Variants in VSIR observed in about 807,000 individuals in gnomAD.
VSIR encodes the protein V-type immunoglobulin domain-containing suppressor of T-cell activation.
Under a neutral mutation model 31.0 loss-of-function variants are expected in VSIR, and 10 were observed. The observed-to-expected ratio is 0.32, with a 90% CI of 0.20 to 0.55. The LOEUF (loss-of-function observed/expected upper bound fraction) is 0.55. Ranked by LOEUF, VSIR falls within the 20% of genes least tolerant of loss-of-function variation. VSIR has a pLI of 0.93. For missense variants in VSIR, 356 were observed against 416.2 expected (o/e 0.86, Z 1.26); for synonymous variants, 179 against 180.1 (o/e 0.99, Z 0.05).
At chr10:71,755,181 T>A in intron 4 of VSIR, 178 bp downstream of exon 4, 1 of 708,348 alleles carries the variant, frequency 1.4e-6, no homozygotes, top group African/African-American at 1.8e-5. Flanking sequence ...GGAAATGGCA[T>A]GCCTCCTTTC....
In VSIR at chr10:71,760,289, G is replaced by A. The variant is rs546892369; in HGVS notation, c.568+579C>T. 6.6e-3 allele frequency among the ~76,000 whole-genome samples: 680 copies of A among 103,426 alleles called. 94 individuals carry two copies. The highest frequency in any genetic ancestry group is 0.021 in the African/African-American group (661 of 31,748). The allele number at this position is 103,426 out of a possible 152,430, so 67.9% of individuals were successfully genotyped here. On this transcript the variant is annotated intron_variant, in intron 3 of 6. Transcript: ENST00000394957. ...TATACATATATATGTATGTATATAT[G>A]TGTATATATATGTATATACACACAC...
At position 71,749,194 on chromosome 10, in the gene VSIR, A is replaced by G. The variant is rs1564773309; in HGVS notation, c.*2059T>C. 6.6e-6 allele frequency: 1 copy of G among 152,296 alleles called. No individual in the cohort carries two copies. The highest frequency in any genetic ancestry group is 1.5e-5 in the Non-Finnish European group (1 of 68,070). The allele number at this position is 152,296 out of a possible 1,614,324, so 9.4% of individuals were successfully genotyped here. On this transcript the variant is annotated 3_prime_UTR_variant, in exon 7 of 7. Coordinates refer to ENST00000394957, the MANE Select transcript of VSIR (RefSeq NM_022153.2). Reference sequence around the variant, plus strand: ...CTCTTCCTGAGTTGGGAGAACCGGAATCTGGGCTGTGGGCTTGTCCTTCGA... The same window carrying G: ...CTCTTCCTGAGTTGGGAGAACCGGAGTCTGGGCTGTGGGCTTGTCCTTCGA...
At position 71,773,479 on chromosome 10, in the gene VSIR, A is replaced by AGCGGGCGGGACGCGGCCGGC; in HGVS notation, c.-60_-41dup. ...CGCAGAGGAACTTCTGGTGCCGGGGAGCGGGCGGGACGCGGCCGGCGCGGG... is the reference window on the plus strand; with the variant it reads ...CGCAGAGGAACTTCTGGTGCCGGGGAGCGGGCGGGACGCGGCCGGCGCGGGCGGGACGCGGCCGGCGCGGG... On this transcript the variant is annotated 5_prime_UTR_variant, in exon 1 of 7. Transcript: ENST00000394957. 2 of 1,554,246 alleles carry AGCGGGCGGGACGCGGCCGGC rather than the reference A, an allele frequency of 1.3e-6. No homozygotes were observed. The highest frequency in any genetic ancestry group is 1.7e-6 in the Non-Finnish European group (2 of 1,146,090).
In VSIR at chr10:71,759,835, A is replaced by ACACACACGCACACG. The variant is rs1279390301; in HGVS notation, c.568+1032_568+1033insCGTGTGCGTGTGTG. On this transcript the variant is annotated intron_variant, in intron 3 of 6. Transcript: ENST00000394957. Reference sequence around the variant, plus strand: ...TCAGAAAATATACACACACACACACACACACACACACATATACACACACAC... The same window carrying ACACACACGCACACG: ...TCAGAAAATATACACACACACACACACACACACGCACACGCACACACACACATATACACACACAC... Among the ~76,000 whole-genome samples, 5 of 71,566 alleles carry ACACACACGCACACG rather than the reference A, an allele frequency of 7.0e-5. 2 individuals are homozygous for ACACACACGCACACG. The highest frequency in any genetic ancestry group is 2.0e-4 in the African/African-American group (5 of 25,630). The allele number at this position is 71,566 out of a possible 152,430, so 47.0% of individuals were successfully genotyped here.
Position 71,751,119 on chromosome 10 carries a change from G to A in VSIR, c.*134C>T. 2.8e-6 allele frequency: 3 copies of A among 1,065,076 alleles called. No individual in the cohort carries two copies. Among genetic ancestry groups the A allele is most frequent in the Non-Finnish European group, 4.0e-6 (3 of 744,184 alleles). The allele number at this position is 1,065,076 out of a possible 1,614,324, so 66.0% of individuals were successfully genotyped here. On this transcript the variant is annotated 3_prime_UTR_variant, in exon 7 of 7. Transcript: ENST00000394957. This position sits in a 1 kb window ranked among gnomAD's most constrained non-coding sequence, Gnocchi z 4.9. ...GGTTGAGGGGCTGGGCTTCTGGGAT[G>A]TCACAGTATCTGAGCCCAGAGCAGG...
At chr10:71,753,309 A>G (rs1296931747) in intron 4 of VSIR, among the ~76,000 whole-genome samples, 1 of 152,236 alleles carries the variant, frequency 6.6e-6, no homozygotes, top group Non-Finnish European at 1.5e-5. Flanking sequence ...GCTTTCTCCT[A>G]TGGCTTGACT....
chr10:71,751,984 G>T lies in VSIR; in HGVS notation c.705-123C>A. 9.3e-7 allele frequency: 1 copy of T among 1,071,154 alleles called. No homozygotes were observed. The highest frequency in any genetic ancestry group is 1.4e-6 in the Non-Finnish European group (1 of 724,712). The allele number at this position is 1,071,154 out of a possible 1,614,324, so 66.4% of individuals were successfully genotyped here. On this transcript the variant is annotated intron_variant, in intron 5 of 6. Coordinates refer to ENST00000394957, the MANE Select transcript of VSIR (RefSeq NM_022153.2). The surrounding 1 kb of genome is among the most constrained non-coding windows in gnomAD (Gnocchi z 4.9). ...ACATCCCCATCCCCAAGCCTCAGCA[G>T]CATCTCCAAGCAAGAAGGCAGGAGC...
chr10:71,760,869 T>C lies in VSIR; in HGVS notation c.567A>G (p.Glu189=). The C allele has an allele frequency of 6.2e-7, 1 of 1,613,446 alleles. No homozygotes were observed. Among genetic ancestry groups the C allele is most frequent in the Non-Finnish European group, 8.5e-7 (1 of 1,179,432 alleles). The change falls in exon 3 of 7, where the codon GAA becomes GAG. Residue 189 remains glutamate (E), a splice_region_variant and synonymous_variant. Transcript: ENST00000394957. ...VVYPSSSQDS[E]NITAAALATG... Reference sequence around the variant, plus strand: ...AGGGGCAAGAGGTTGGTCCCTTACTTTCACTATCCTGGGAGGAGGATGGGT... The same window carrying C: ...AGGGGCAAGAGGTTGGTCCCTTACTCTCACTATCCTGGGAGGAGGATGGGT...
rs777776745 is a variant in VSIR, at chr10:71,761,841, G to A, written c.268C>T (p.Arg90Cys). ...TGAAGGTCCTGGAACGTGAGGTTGC[G>A]GATGGGCCGGCGCTCTGAGCAGGTC... Reference protein sequence around the residue: ...VQTCSERRPIRNLTFQDLHLH... With the variant: ...VQTCSERRPICNLTFQDLHLH... The change falls in exon 2 of 7, where the codon CGC (arginine) becomes TGC (cysteine). Residue 90 changes from arginine to cysteine, a missense_variant. This residue lies in a region of VSIR where 166 missense variants were observed against 231.0 expected (regional missense o/e 0.72). Transcript: ENST00000394957. 6.2e-6 allele frequency: 10 copies of A among 1,613,976 alleles called. No homozygotes were observed. Among genetic ancestry groups the A allele is most frequent in the East Asian group, 4.5e-5 (2 of 44,898 alleles).
Position 71,751,016 on chromosome 10 carries a change from C to T in VSIR, c.*237G>A. 2.0e-6 allele frequency: 1 copy of T among 507,048 alleles called. No homozygotes were observed. Among genetic ancestry groups the T allele is most frequent in the Non-Finnish European group, 3.5e-6 (1 of 282,744 alleles). 31.4% of individuals were successfully genotyped at this position (507,048 alleles called of 1,614,324 possible). A position where few individuals can be genotyped will look rare whatever the true frequency, so the allele number is the denominator to read the frequency against. On this transcript the variant is annotated 3_prime_UTR_variant, in exon 7 of 7. Coordinates refer to ENST00000394957, the MANE Select transcript of VSIR (RefSeq NM_022153.2). This position sits in a 1 kb window ranked among gnomAD's most constrained non-coding sequence, Gnocchi z 4.9. ...TCTGTAGCTGGTGAATTTCAGGTCT[C>T]TAGGGGAGAATCTCAGCACCCCAAA... is the stretch of plus-strand genomic sequence containing the variant.
intron 3 of VSIR, among the ~76,000 whole-genome samples, chr10:71,759,767 G>A (rs1347147427): frequency 2.7e-5 from 4 of 150,722 alleles, no homozygotes; most frequent in Admixed American, 2.0e-4. Flanking sequence ...AGCCCAGATC[G>A]CGCCACTGCA....
intron 4 of VSIR, 131 bp downstream of exon 4, chr10:71,755,228 A>T: frequency 1.1e-6 from 1 of 882,750 alleles, no homozygotes; most frequent in Non-Finnish European, 1.8e-6. Context: ...CGGGAAGTGC[A>T]GCTGCTCCCA....
chr10:71,771,726 C>A (rs1476088887), intron 1 of VSIR, among the ~76,000 whole-genome samples: 2 of 152,216 alleles, frequency 1.3e-5, no homozygotes, highest in African/African-American at 4.8e-5. Flanking sequence ...GTTTGAGTAG[C>A]CAAGACCTCT....
Position 71,751,558 on chromosome 10 carries a change from G to T in VSIR, c.898+110C>A. ...TGTCCCTCACCCTCAACCCCACCCC[G>T]TGAGGCCGTGGAACTCTTCAGGGAG... On this transcript the variant is annotated intron_variant, in intron 6 of 6. Transcript: ENST00000394957. The surrounding 1 kb of genome is among the most constrained non-coding windows in gnomAD (Gnocchi z 4.9). 1 of 1,239,050 alleles carries T rather than the reference G, an allele frequency of 8.1e-7. No homozygotes were observed. The highest frequency in any genetic ancestry group is 1.1e-6 in the Non-Finnish European group (1 of 911,400). 76.8% of individuals were successfully genotyped at this position (1,239,050 alleles called of 1,614,324 possible).
chr10:71,751,385 T>C lies in VSIR; in HGVS notation c.899-95A>G. The C allele has an allele frequency of 1.7e-6, 1 of 591,698 alleles. No individual in the cohort carries two copies. Among genetic ancestry groups the C allele is most frequent in the Admixed American group, 3.7e-5 (1 of 27,312 alleles). 36.7% of individuals were successfully genotyped at this position (591,698 alleles called of 1,614,324 possible). A position where few individuals can be genotyped will look rare whatever the true frequency, so the allele number is the denominator to read the frequency against. On this transcript the variant is annotated intron_variant, in intron 6 of 6. Coordinates refer to ENST00000394957, the MANE Select transcript of VSIR (RefSeq NM_022153.2). This position sits in a 1 kb window ranked among gnomAD's most constrained non-coding sequence, Gnocchi z 4.9. Reference sequence around the variant, plus strand: ...CCGTGGAACTCTTCAGGGAGGTGAATGGGGGCCCCTCTGTCCCTCACCCTC... The same window carrying C: ...CCGTGGAACTCTTCAGGGAGGTGAACGGGGGCCCCTCTGTCCCTCACCCTC...
In VSIR at chr10:71,751,428, C is replaced by A. The variant is rs1390809939; in HGVS notation, c.899-138G>T. The A allele has an allele frequency of 2.5e-6, 1 of 396,592 alleles. No individual in the cohort carries two copies. The highest frequency in any genetic ancestry group is 4.4e-6 in the Non-Finnish European group (1 of 225,934). 24.6% of individuals were successfully genotyped at this position (396,592 alleles called of 1,614,324 possible). ...TCACCCTCAACCCCACCCCGTGAGGCCGTGGAACTCTTCAGGGAGGTGAAT... is the reference window on the plus strand; with the variant it reads ...TCACCCTCAACCCCACCCCGTGAGGACGTGGAACTCTTCAGGGAGGTGAAT... On this transcript the variant is annotated intron_variant, in intron 6 of 6. Coordinates refer to ENST00000394957, the MANE Select transcript of VSIR (RefSeq NM_022153.2). This position sits in a 1 kb window ranked among gnomAD's most constrained non-coding sequence, Gnocchi z 4.9.
Position 71,756,751 on chromosome 10 carries a change from G to C in VSIR, c.569-1285C>G, listed in dbSNP as rs371986698. On this transcript the variant is annotated intron_variant, in intron 3 of 6. Coordinates refer to ENST00000394957, the MANE Select transcript of VSIR (RefSeq NM_022153.2). ...AGCCTTTCCCAGGGCCAAAAGATGG[G>C]CTGGGATACCTTGTCACAGTGTCAA... 2.6e-5 allele frequency among the ~76,000 whole-genome samples: 4 copies of C among 152,180 alleles called. No individual in the cohort carries two copies. In the South Asian group the frequency reaches 8.3e-4, roughly 31 times the overall value.
In VSIR at chr10:71,755,212, T is replaced by C. The variant is rs1840101645; in HGVS notation, c.676+147A>G. On this transcript the variant is annotated intron_variant, in intron 4 of 6. Coordinates refer to ENST00000394957, the MANE Select transcript of VSIR (RefSeq NM_022153.2). ...CTTTCTCTCGGCCATTTCGCCCAGC[T>C]CCTGGCGGGAAGTGCAGCTGCTCCC... 1.7e-5 allele frequency: 14 copies of C among 810,564 alleles called. No individual in the cohort carries two copies. The South Asian group carries it at 2.1e-4, about 12-fold the overall frequency. 50.2% of individuals were successfully genotyped at this position (810,564 alleles called of 1,614,324 possible).
At position 71,751,962 on chromosome 10, in the gene VSIR, T is replaced by G. The variant is rs1440271861; in HGVS notation, c.705-101A>C. ...CTCTCCTCCCTTTCTCTCACCTACA[T>G]CCCCATCCCCAAGCCTCAGCAGCAT... On this transcript the variant is annotated intron_variant, in intron 5 of 6. Transcript: ENST00000394957. The surrounding 1 kb of genome is among the most constrained non-coding windows in gnomAD (Gnocchi z 4.9). 10 of 1,221,932 alleles carry G rather than the reference T, an allele frequency of 8.2e-6. No individual in the cohort carries two copies. The highest frequency in any genetic ancestry group is 3.5e-6 in the Non-Finnish European group (3 of 862,944). The allele number at this position is 1,221,932 out of a possible 1,614,324, so 75.7% of individuals were successfully genotyped here. A position where few individuals can be genotyped will look rare whatever the true frequency, so the allele number is the denominator to read the frequency against.
Sources: allele counts gnomAD v4.1 joint callset (sites outside exome capture counted in the v4.1 genomes callset), GRCh38; gene constraint gnomAD v4.1.1; regional missense constraint gnomAD v4.1.1; non-coding constraint Gnocchi (gnomAD v3.1); transcripts MANE v1.5; gene names NCBI Gene and HGNC (gene_info 2026-07-23, HGNC 2026-07-21).